Variants in ANKRD44 observed in about 807,000 individuals in gnomAD.
ANKRD44 encodes serine/threonine-protein phosphatase 6 regulatory ankyrin repeat subunit B.
Under a neutral mutation model 116.0 loss-of-function variants are expected in ANKRD44, and 35 were observed. The ratio of observed to expected loss-of-function variants is 0.30; its 90% CI spans 0.23 to 0.40. The LOEUF (loss-of-function observed/expected upper bound fraction) is 0.40, where lower values mean the gene tolerates loss of function less well. ANKRD44 is among the 10% of genes least tolerant of loss of function. ANKRD44 has a pLI of 1.00. For missense variants in ANKRD44, 1,014 were observed against 1,242.6 expected (o/e 0.82, Z 2.77); for synonymous variants, 435 against 461.8 (o/e 0.94, Z 0.74).
chr2:197,124,419 A>G (rs907555063), intron 6 of ANKRD44, among the ~76,000 whole-genome samples: 1 of 152,202 alleles, frequency 6.6e-6, no homozygotes, highest in African/African-American at 2.4e-5. Flanking sequence ...AAAGACAATC[A>G]ATTAAAATTT....
At chr2:197,116,401 C>G (rs2078708263) in intron 8 of ANKRD44, among the ~76,000 whole-genome samples, 1 of 152,202 alleles carries the variant, frequency 6.6e-6, no homozygotes, top group African/African-American at 2.4e-5. Context: ...AGACAGATGT[C>G]TACAGTTTTG....
chr2:197,303,596 A>C (rs73988427), intron 1 of ANKRD44, among the ~76,000 whole-genome samples: 3 of 152,110 alleles, frequency 2.0e-5, no homozygotes, highest in African/African-American at 7.2e-5. Flanking sequence ...TTCTTAGGGG[A>C]AAATGGTCTT....
intron 16 of ANKRD44, among the ~76,000 whole-genome samples, chr2:197,026,955 T>C (rs547609304): frequency 6.6e-5 from 10 of 152,032 alleles, no homozygotes; most frequent in Admixed American, 4.6e-4. Flanking sequence ...AACGGAAACA[T>C]GAAGGTACCA....
intron 1 of ANKRD44, among the ~76,000 whole-genome samples, chr2:197,306,265 C>T (rs1432265678): frequency 6.6e-6 from 1 of 152,166 alleles, no homozygotes; most frequent in South Asian, 2.1e-4. Flanking sequence ...CAGAGCCCCA[C>T]CTGTGCAATC....
Position 197,136,507 on chromosome 2 carries a change from A to G in ANKRD44, c.261+85T>C. ...CATTAGAGGTAAAAGCCTTCTGCTTACCAGTAAGGATTCTTAATTCGCTAG... is the reference window on the plus strand; with the variant it reads ...CATTAGAGGTAAAAGCCTTCTGCTTGCCAGTAAGGATTCTTAATTCGCTAG... On this transcript the variant is annotated intron_variant, in intron 4 of 27. Transcript: ENST00000282272. The G allele has an allele frequency of 3.9e-6, 5 of 1,289,564 alleles. No homozygotes were observed. In the South Asian group the frequency reaches 4.8e-5, roughly 12 times the overall value. 79.9% of individuals were successfully genotyped at this position (1,289,564 alleles called of 1,614,324 possible).
chr2:197,294,856 T>G (rs1224928569), intron 1 of ANKRD44, among the ~76,000 whole-genome samples: 2 of 152,230 alleles, frequency 1.3e-5, no homozygotes, highest in Non-Finnish European at 2.9e-5. Flanking sequence ...ATTTCTGTTT[T>G]GCTCTCATAT....
chr2:197,300,587 T>C (rs186116721), intron 1 of ANKRD44, among the ~76,000 whole-genome samples: 1 of 152,264 alleles, frequency 6.6e-6, no homozygotes, highest in East Asian at 1.9e-4. Context: ...ATCATCTAAC[T>C]AGACTGTGAG....
At chr2:197,163,455 A>G (rs2080018746) in intron 2 of ANKRD44, among the ~76,000 whole-genome samples, 1 of 152,228 alleles carries the variant, frequency 6.6e-6, no homozygotes, top group Non-Finnish European at 1.5e-5. Flanking sequence ...TGAGTTTTTT[A>G]AAGATGTGGG....
intron 16 of ANKRD44, among the ~76,000 whole-genome samples, chr2:197,063,673 C>T (rs1257503129): frequency 2.0e-5 from 3 of 152,068 alleles, no homozygotes; most frequent in Non-Finnish European, 2.9e-5. Flanking sequence ...CTTCAGTAGC[C>T]GATTCGATCA....
At chr2:197,305,562 C>T (rs2084043552) in intron 1 of ANKRD44, among the ~76,000 whole-genome samples, 2 of 151,908 alleles carry the variant, frequency 1.3e-5, no homozygotes, top group Non-Finnish European at 2.9e-5. Flanking sequence ...TTCGTATTTG[C>T]TCTCTGTTTA....
intron 16 of ANKRD44, among the ~76,000 whole-genome samples, chr2:197,066,103 G>A (rs530818660): frequency 3.3e-5 from 5 of 152,282 alleles, no homozygotes; most frequent in South Asian, 2.1e-4. Flanking sequence ...GATCAAGTGG[G>A]CTTCATCCCT....
chr2:197,116,534 C>T (rs541034324), intron 8 of ANKRD44, among the ~76,000 whole-genome samples: 11 of 152,226 alleles, frequency 7.2e-5, no homozygotes, highest in African/African-American at 2.6e-4. Flanking sequence ...CTCTTTGATG[C>T]CCCCATTCTT....
At chr2:197,171,704 C>T (rs538985650) in intron 2 of ANKRD44, among the ~76,000 whole-genome samples, 5 of 152,168 alleles carry the variant, frequency 3.3e-5, no homozygotes, top group Middle Eastern at 3.4e-3. Context: ...CGTCAAGTGT[C>T]GGTTTGTCAT....
intron 23 of ANKRD44, among the ~76,000 whole-genome samples, 188 bp from the exon 24 acceptor site, chr2:196,999,240 G>A (rs975674645): frequency 6.6e-6 from 1 of 152,160 alleles, no homozygotes; most frequent in Admixed American, 6.5e-5. Flanking sequence ...TATGGGACTG[G>A]AACCCCCTAG....
intron 1 of ANKRD44, chr2:197,251,093 C>A (rs2082306628): frequency 6.6e-6 from 1 of 152,124 alleles, no homozygotes; most frequent in African/African-American, 2.4e-5. Context: ...TTTAAATTCA[C>A]ATATATTGCT....
At chr2:197,074,231 G>T (rs757048523) in intron 16 of ANKRD44, among the ~76,000 whole-genome samples, 1 of 152,226 alleles carries the variant, frequency 6.6e-6, no homozygotes, top group African/African-American at 2.4e-5. Flanking sequence ...GGTTTCCAGA[G>T]AACACTGCCC....
chr2:197,054,370 A>C (rs1267719905), intron 16 of ANKRD44, among the ~76,000 whole-genome samples: 1 of 125,380 alleles, frequency 8.0e-6, no homozygotes, highest in Non-Finnish European at 1.7e-5. Flanking sequence ...GCAGGAGTTG[A>C]TAACTCAACT....
In ANKRD44 at chr2:196,987,414, A is replaced by G. The variant is rs1329903974; in HGVS notation, c.*2177T>C. On this transcript the variant is annotated 3_prime_UTR_variant, in exon 28 of 28. Transcript: ENST00000282272. ...CACAGAACATTTTCAGAATATACAA[A>G]TATAAAAAGGCACTCTAACTTCATA... The G allele has an allele frequency of 1.8e-5, 18 of 985,234 alleles. No homozygotes were observed. The highest frequency in any genetic ancestry group is 1.9e-5 in the Non-Finnish European group (16 of 829,830). The allele number at this position is 985,234 out of a possible 1,614,324, so 61.0% of individuals were successfully genotyped here. A position where few individuals can be genotyped will look rare whatever the true frequency, so the allele number is the denominator to read the frequency against.
At chr2:197,105,544 T>C (rs1173394331) in intron 9 of ANKRD44, among the ~76,000 whole-genome samples, 2 of 152,244 alleles carry the variant, frequency 1.3e-5, no homozygotes, top group African/African-American at 2.4e-5. Flanking sequence ...ATAAAAATTA[T>C]TGGGATAGGG....
Sources: allele counts gnomAD v4.1 joint callset (sites outside exome capture counted in the v4.1 genomes callset), GRCh38; gene constraint gnomAD v4.1.1; transcripts MANE v1.5; gene names NCBI Gene and HGNC (gene_info 2026-07-23, HGNC 2026-07-21).